Variants in USP12 observed in about 807,000 individuals in gnomAD.
The protein encoded by USP12 is ubiquitin specific peptidase 12.
USP12 carries 19 observed loss-of-function variants against 45.5 expected under a neutral mutation model. The ratio of observed to expected loss-of-function variants is 0.42; its 90% confidence interval spans 0.29 to 0.61. The LOEUF is 0.61. Ranked by LOEUF, USP12 falls within the 20% of genes least tolerant of loss-of-function variation. The probability of loss-of-function intolerance (pLI) is 0.22; values close to 1 mark genes in which losing one functional copy is unlikely to be tolerated. For missense variants in USP12, 242 were observed against 447.7 expected, an observed-to-expected ratio of 0.54 and a Z score of 4.15; for synonymous variants, 149 against 148.8, an observed-to-expected ratio of 1.00 and a Z score of -0.01.
At chr13:27,139,359 T>A (rs1270004469) in intron 1 of USP12, among the ~76,000 whole-genome samples, 1 of 152,234 alleles carries the variant, frequency 6.6e-6, no homozygotes, top group African/African-American at 2.4e-5. Flanking sequence ...CTTACGCCTG[T>A]AATGCCAGCA....
chr13:27,167,098 C>A (rs1878380099), intron 1 of USP12, among the ~76,000 whole-genome samples: 1 of 152,044 alleles, frequency 6.6e-6, no homozygotes, highest in Non-Finnish European at 1.5e-5. Context: ...CCCATCTCTA[C>A]TAAAAATACA....
chr13:27,079,566 C>T (rs1278280254), intron 6 of USP12, among the ~76,000 whole-genome samples: 1 of 152,142 alleles, frequency 6.6e-6, no homozygotes, highest in African/African-American at 2.4e-5. Context: ...ATACCAACTA[C>T]CCAGCCGCAG....
chr13:27,167,001 G>A (rs1028285954), intron 1 of USP12, among the ~76,000 whole-genome samples: 3 of 152,108 alleles, frequency 2.0e-5, no homozygotes, highest in East Asian at 1.9e-4. Flanking sequence ...GGTAAACAGT[G>A]TAAAACTATA....
intron 3 of USP12, among the ~76,000 whole-genome samples, chr13:27,096,791 C>T (rs1874601569): frequency 6.6e-6 from 1 of 152,020 alleles, no homozygotes; most frequent in Admixed American, 6.6e-5. Context: ...AGAAAAATTA[C>T]CTATTTAGGA....
intron 2 of USP12, among the ~76,000 whole-genome samples, chr13:27,106,888 A>T (rs1875167339): frequency 6.6e-6 from 1 of 152,210 alleles, no homozygotes; most frequent in Non-Finnish European, 1.5e-5. Flanking sequence ...ATTAAAAACA[A>T]AAATAAACAA....
chr13:27,152,245 G>A (rs1189092711), intron 1 of USP12, among the ~76,000 whole-genome samples: 2 of 152,038 alleles, frequency 1.3e-5, no homozygotes, highest in African/African-American at 4.8e-5. Flanking sequence ...GTCCATCAAC[G>A]AACAAATAAA....
At chr13:27,143,886 G>C (rs1877183126) in intron 1 of USP12, among the ~76,000 whole-genome samples, 1 of 152,228 alleles carries the variant, frequency 6.6e-6, no homozygotes, top group Non-Finnish European at 1.5e-5. Flanking sequence ...CATTCTGTGA[G>C]ACAATCAGTC....
intron 1 of USP12, among the ~76,000 whole-genome samples, chr13:27,133,856 G>T (rs1006031081): frequency 2.0e-5 from 3 of 152,236 alleles, no homozygotes; most frequent in African/African-American, 7.2e-5. Flanking sequence ...TTGGGGCTGG[G>T]AGTGGTGGCT....
chr13:27,170,868 G>C (rs1253458523), intron 1 of USP12, among the ~76,000 whole-genome samples: 1 of 152,250 alleles, frequency 6.6e-6, no homozygotes, highest in African/African-American at 2.4e-5. Context: ...CACACGGCTG[G>C]AAACGGGAGA....
chr13:27,094,851 A>G (rs1401312911), intron 4 of USP12, among the ~76,000 whole-genome samples: 8 of 152,192 alleles, frequency 5.3e-5, no homozygotes, highest in Non-Finnish European at 1.2e-4. Flanking sequence ...GGAAAATGCT[A>G]TAAAGAACAT....
chr13:27,096,377 T>C (rs1431757779), intron 3 of USP12, among the ~76,000 whole-genome samples: 1 of 152,240 alleles, frequency 6.6e-6, no homozygotes, highest in African/African-American at 2.4e-5. Context: ...TATCAAGAAT[T>C]ATCTATATAA....
At chr13:27,166,856 C>T (rs992603452) in intron 1 of USP12, among the ~76,000 whole-genome samples, 1 of 152,102 alleles carries the variant, frequency 6.6e-6, no homozygotes. Context: ...CGCCCTAGTA[C>T]CCTACCACTA....
chr13:27,078,993 T>TAAAA (rs370076279), intron 6 of USP12, among the ~76,000 whole-genome samples: 1 of 143,656 alleles, frequency 7.0e-6, no homozygotes. Flanking sequence ...TGTCCTCTGA[T>TAAAA]AAAAAAAAAA....
At position 27,089,908 on chromosome 13, in the gene USP12, G is replaced by A. The variant is rs191885307; in HGVS notation, c.709C>T (p.Arg237Cys). Residue 237 changes from arginine to cysteine, a missense_variant, in exon 6 of 9, where the codon CGC becomes TGC. Physicochemically the swap from Arg to Cys is radical, Grantham distance 180 (BLOSUM62 -3). Around this residue, in one of 5 missense-constraint regions of USP12, gnomAD observed 94 missense variants for 168.3 expected, o/e 0.56. Transcript: ENST00000282344. ...CGTTTGTGTGCTTCCTGTTTGCTGC[G>A]ACACTCTTCACAGTAATACTTGTAT... is the stretch of plus-strand genomic sequence containing the variant. ...SEYKYYCEEC[R>C]SKQEAHKRMK... 15 of 1,610,158 alleles carry A rather than the reference G, an allele frequency of 9.3e-6. No homozygotes were observed. Among genetic ancestry groups the A allele is most frequent in the Admixed American group, 3.3e-5 (2 of 59,964 alleles).
At chr13:27,109,431 A>G (rs192738854) in intron 2 of USP12, among the ~76,000 whole-genome samples, 2 of 152,360 alleles carry the variant, frequency 1.3e-5, no homozygotes, top group Admixed American at 6.5e-5. Context: ...CAGTCAGGCA[A>G]TGAAAGAGAC....
chr13:27,116,946 C>T (rs902992957), intron 1 of USP12, among the ~76,000 whole-genome samples: 22 of 152,160 alleles, frequency 1.4e-4, no homozygotes, highest in East Asian at 1.9e-4. Flanking sequence ...TGCACAATGA[C>T]GAAATGGCCT....
At chr13:27,099,241 G>A (rs1366899065) in intron 3 of USP12, among the ~76,000 whole-genome samples, 2 of 152,158 alleles carry the variant, frequency 1.3e-5, no homozygotes, top group Non-Finnish European at 2.9e-5. Context: ...GTTTGGTACT[G>A]AAATGTTATT....
At chr13:27,168,689 A>T (rs1181228847) in intron 1 of USP12, among the ~76,000 whole-genome samples, 1 of 152,230 alleles carries the variant, frequency 6.6e-6, no homozygotes, top group African/African-American at 2.4e-5. Flanking sequence ...CAATCTAAAC[A>T]TAATCACTCA....
chr13:27,097,918 A>C (rs1874667692), intron 3 of USP12, among the ~76,000 whole-genome samples: 1 of 152,094 alleles, frequency 6.6e-6, no homozygotes, highest in Non-Finnish European at 1.5e-5. Context: ...GATGTGACTC[A>C]AATCTAAACA....
Sources: gnomAD v4.1 joint callset for allele counts (sites outside exome capture counted in the v4.1 genomes callset) on GRCh38, gnomAD v4.1.1 for gene constraint, gnomAD v4.1.1 regional missense constraint, MANE v1.5 for transcripts, NCBI Gene and HGNC (gene_info 2026-07-23, HGNC 2026-07-21) for gene names.